Variants in EXOC6 observed in about 807,000 individuals in gnomAD.
EXOC6 encodes exocyst complex component 6.
A neutral mutation model predicts 112.5 loss-of-function variants in EXOC6; 60 were observed. The observed-to-expected ratio is 0.53, with a 90% CI of 0.43 to 0.66. EXOC6 has a LOEUF of 0.66. Among genes scored for constraint, EXOC6 ranks in the 30% least tolerant of loss-of-function variants. EXOC6 has a pLI of 0.00. For missense variants in EXOC6, 855 were observed against 957.1 expected (o/e 0.89, Z 1.41); for synonymous variants, 295 against 308.0 (o/e 0.96, Z 0.44).
chr10:92,912,659 T>C (rs915593320), intron 6 of EXOC6, among the ~76,000 whole-genome samples: 41 of 152,286 alleles, frequency 2.7e-4, no homozygotes, highest in African/African-American at 9.4e-4. Context: ...ACACAGTCTT[T>C]CCATAACCTA....
At chr10:92,881,984 C>G (rs1419866657) in intron 1 of EXOC6, among the ~76,000 whole-genome samples, 2 of 152,132 alleles carry the variant, frequency 1.3e-5, no homozygotes, top group African/African-American at 2.4e-5. Flanking sequence ...CATTAAACCT[C>G]TTTTTCTTTA....
rs150035370 is a variant in EXOC6 at position 92,969,570 on chromosome 10, T to C, written c.1774-4483T>C. ...ATATCACCATGTAGCTTTTCCTCCA[T>C]GAAACCCTATTTCTAACCAACATGA... is the stretch of plus-strand genomic sequence containing the variant. On this transcript the variant is annotated intron_variant, in intron 17 of 21. Transcript: ENST00000260762. Among the ~76,000 whole-genome samples the C allele has an allele frequency of 5.1e-4, 78 of 152,354 alleles. No individual in the cohort carries two copies. The South Asian group carries it at 7.9e-3, about 15-fold the overall frequency.
intron 18 of EXOC6, among the ~76,000 whole-genome samples, chr10:92,988,121 C>T (rs1015155744): frequency 1.3e-5 from 2 of 152,190 alleles, no homozygotes; most frequent in Admixed American, 1.3e-4. Context: ...CCAAACTGCA[C>T]TCGTAGAAGT....
At chr10:93,020,887 T>G (rs1326454156) in intron 20 of EXOC6, among the ~76,000 whole-genome samples, 1 of 140,784 alleles carries the variant, frequency 7.1e-6, no homozygotes, top group Non-Finnish European at 1.6e-5. Context: ...CATCTCTCAA[T>G]ACTTTGTCTC....
rs1850043353 is a variant in EXOC6 at position 92,899,594 on chromosome 10, T to G, written c.413-5T>G. On this transcript the variant is annotated splice_polypyrimidine_tract_variant and splice_region_variant and intron_variant, in intron 4 of 21. Coordinates refer to ENST00000260762, the MANE Select transcript of EXOC6 (RefSeq NM_019053.6). Reference sequence around the variant, plus strand: ...AAAGCTAAAATGTTATATTTTTTAATGCAGTGCTAGAAATGTACAGTAAGC... The same window carrying G: ...AAAGCTAAAATGTTATATTTTTTAAGGCAGTGCTAGAAATGTACAGTAAGC... 6.3e-7 allele frequency: 1 copy of G among 1,579,256 alleles called. No individual in the cohort carries two copies. The highest frequency in any genetic ancestry group is 8.6e-7 in the Non-Finnish European group (1 of 1,162,694).
At chr10:92,926,918 G>A (rs956889527) in intron 8 of EXOC6, among the ~76,000 whole-genome samples, 5 of 151,950 alleles carry the variant, frequency 3.3e-5, no homozygotes, top group Admixed American at 3.3e-4. Flanking sequence ...ATCTTTAAAT[G>A]CATTATATCC....
chr10:92,970,667 C>T (rs1298690308), intron 17 of EXOC6, among the ~76,000 whole-genome samples: 2 of 152,206 alleles, frequency 1.3e-5, no homozygotes, highest in Non-Finnish European at 2.9e-5. Flanking sequence ...TGAGGGGAAG[C>T]TCTGTTGAAC....
chr10:92,974,128 G>C lies in EXOC6; in HGVS notation c.1849G>C (p.Asp617His). 1 of 1,604,256 alleles carries C rather than the reference G, an allele frequency of 6.2e-7. No individual in the cohort carries two copies. The highest frequency in any genetic ancestry group is 8.5e-7 in the Non-Finnish European group (1 of 1,177,840). ...AATTGATGAATTTGTTCAGCTTGCT[G>C]ATTATGACTGGACAATGTCTGAGCC... ...QKIDEFVQLA[D>H]YDWTMSEPDG... The change falls in exon 18 of 22, where the codon GAT (aspartate) becomes CAT (histidine). Residue 617 changes from aspartate (D) to histidine (H), a missense_variant. This residue lies in a region of EXOC6 where 450 missense variants were observed against 563.5 expected (regional missense o/e 0.80). Coordinates refer to ENST00000260762, the MANE Select transcript of EXOC6 (RefSeq NM_019053.6).
At chr10:92,888,480 T>C (rs1010664063) in intron 1 of EXOC6, among the ~76,000 whole-genome samples, 1 of 152,332 alleles carries the variant, frequency 6.6e-6, no homozygotes, top group African/African-American at 2.4e-5. Flanking sequence ...ATGTTATTAC[T>C]CTTCTTCAAA....
intron 19 of EXOC6, among the ~76,000 whole-genome samples, chr10:93,001,051 A>G (rs1347043059): frequency 6.6e-6 from 1 of 152,206 alleles, no homozygotes; most frequent in African/African-American, 2.4e-5. Flanking sequence ...TTAATGCAGT[A>G]TGTATGCTTT....
intron 18 of EXOC6, among the ~76,000 whole-genome samples, chr10:92,975,214 C>T (rs1390001052): frequency 6.6e-6 from 1 of 150,446 alleles, no homozygotes; most frequent in African/African-American, 2.5e-5. Context: ...GCCTCTGCCC[C>T]GCCACCCCGT....
intron 18 of EXOC6, among the ~76,000 whole-genome samples, chr10:92,978,051 A>G (rs1452122387): frequency 2.0e-5 from 3 of 152,230 alleles, no homozygotes; most frequent in Admixed American, 6.5e-5. Context: ...TTATAGACCA[A>G]TAAATTCAAC....
chr10:92,863,502 T>A (rs1224695793), intron 1 of EXOC6, among the ~76,000 whole-genome samples: 1 of 152,180 alleles, frequency 6.6e-6, no homozygotes, highest in Non-Finnish European at 1.5e-5. Flanking sequence ...TGAGGCTGGG[T>A]GCAGTAGCTC....
At chr10:92,948,769 G>C (rs1853212717) in intron 14 of EXOC6, among the ~76,000 whole-genome samples, 1 of 151,710 alleles carries the variant, frequency 6.6e-6, no homozygotes, top group Non-Finnish European at 1.5e-5. Context: ...GTATATCCTA[G>C]TGAAAGAGAC....
At chr10:93,016,565 A>C (rs1844527097) in intron 20 of EXOC6, among the ~76,000 whole-genome samples, 1 of 152,226 alleles carries the variant, frequency 6.6e-6, no homozygotes, top group Non-Finnish European at 1.5e-5. Flanking sequence ...GGGCCCCTGG[A>C]AGCTCAAGAG....
chr10:92,943,349 G>A (rs575659717), intron 13 of EXOC6, among the ~76,000 whole-genome samples: 9 of 152,104 alleles, frequency 5.9e-5, no homozygotes, highest in Non-Finnish European at 8.8e-5. Flanking sequence ...CACAACTTAA[G>A]CTTTGCTTAC....
chr10:93,002,753 A>C (rs553015468), intron 19 of EXOC6, among the ~76,000 whole-genome samples: 152 of 152,326 alleles, frequency 1.0e-3, no homozygotes, highest in African/African-American at 3.5e-3. Flanking sequence ...TAGCATGAAG[A>C]GTTAATAACA....
At chr10:92,940,224 T>G (rs1656099325) in intron 12 of EXOC6, among the ~76,000 whole-genome samples, 2 of 152,094 alleles carry the variant, frequency 1.3e-5, no homozygotes, top group South Asian at 4.1e-4. Context: ...TGGGTAAGAT[T>G]TCAATGAGTT....
chr10:92,855,584 T>C (rs1216378095), intron 1 of EXOC6, among the ~76,000 whole-genome samples: 1 of 152,206 alleles, frequency 6.6e-6, no homozygotes. Flanking sequence ...TCATTACTTG[T>C]TAAAGGTATA....
Sources: gnomAD v4.1 joint callset for allele counts (sites outside exome capture counted in the v4.1 genomes callset) on GRCh38, gnomAD v4.1.1 for gene constraint, gnomAD v4.1.1 regional missense constraint, MANE v1.5 for transcripts, NCBI Gene and HGNC (gene_info 2026-07-23, HGNC 2026-07-21) for gene names.